RAPGEF4: variants seen among roughly 807,000 people sequenced by gnomAD.
The protein encoded by RAPGEF4 is RAP guanine-nucleotide-exchange factor (GEF) 4.
In RAPGEF4, 66 loss-of-function variants were observed where a neutral mutation model predicts 147.9. The observed-to-expected ratio is 0.45, with a 90% CI of 0.37 to 0.55. The LOEUF (loss-of-function observed/expected upper bound fraction) is 0.55. Ranked by LOEUF, RAPGEF4 falls within the 20% of genes least tolerant of loss-of-function variation. RAPGEF4 has a pLI of 0.00. For synonymous variants in RAPGEF4, 419 were observed against 442.7 expected (o/e 0.95, Z 0.67); for missense variants, 1,071 against 1,257.3 (o/e 0.85, Z 2.24).
intron 5 of RAPGEF4, among the ~76,000 whole-genome samples, chr2:172,921,430 G>C (rs975092695): frequency 5.9e-5 from 9 of 152,146 alleles, no homozygotes; most frequent in Non-Finnish European, 1.3e-4. Context: ...ATCCTGTGTA[G>C]CTCCTTGTGT....
chr2:172,879,382 A>T (rs1383303482), intron 4 of RAPGEF4, among the ~76,000 whole-genome samples: 1 of 152,190 alleles, frequency 6.6e-6, no homozygotes, highest in Non-Finnish European at 1.5e-5. Flanking sequence ...ATATACTTAG[A>T]TATGTACATA....
intron 4 of RAPGEF4, among the ~76,000 whole-genome samples, chr2:172,877,121 C>G (rs1165328170): frequency 2.0e-5 from 3 of 152,100 alleles, no homozygotes. Flanking sequence ...ACCCAAATGC[C>G]CATCAGTGAT....
At chr2:172,755,188 G>A (rs191194120) in intron 1 of RAPGEF4, among the ~76,000 whole-genome samples, 51 of 152,240 alleles carry the variant, frequency 3.3e-4, no homozygotes, top group African/African-American at 1.2e-3. Flanking sequence ...AGAAGTTGAG[G>A]TTCATATTCT....
chr2:172,843,251 TAAGAGGAA>T (rs2149709798), intron 4 of RAPGEF4, among the ~76,000 whole-genome samples: 1 of 152,190 alleles, frequency 6.6e-6, no homozygotes, highest in South Asian at 2.1e-4. Flanking sequence ...AATACTTGGA[TAAGAGGAA>T]AAGGGGAAAA....
chr2:173,046,025 T>A (rs1230261854), intron 29 of RAPGEF4, among the ~76,000 whole-genome samples: 2 of 152,224 alleles, frequency 1.3e-5, no homozygotes, highest in Admixed American at 1.3e-4. Flanking sequence ...TAACTATGCA[T>A]TGACCGGGAA....
intron 1 of RAPGEF4, among the ~76,000 whole-genome samples, chr2:172,761,012 A>C (rs952978297): frequency 6.6e-6 from 1 of 151,054 alleles, no homozygotes; most frequent in Non-Finnish European, 1.5e-5. Context: ...GAGAAAGGAC[A>C]CCTTACCTAT....
At chr2:172,775,221 G>A (rs1684050352) in intron 1 of RAPGEF4, among the ~76,000 whole-genome samples, 1 of 152,166 alleles carries the variant, frequency 6.6e-6, no homozygotes, top group African/African-American at 2.4e-5. Context: ...CCATTTGCTG[G>A]CCCTTTGGGA....
At chr2:173,039,224 G>A (rs753717753) in intron 29 of RAPGEF4, among the ~76,000 whole-genome samples, 2 of 151,930 alleles carry the variant, frequency 1.3e-5, no homozygotes, top group Non-Finnish European at 2.9e-5. Flanking sequence ...TTGGGAGGCC[G>A]AGGCGGGTGG....
At chr2:173,009,458 C>A (rs771727647) in intron 17 of RAPGEF4, among the ~76,000 whole-genome samples, 8 of 152,116 alleles carry the variant, frequency 5.3e-5, no homozygotes, top group Non-Finnish European at 8.8e-5. Flanking sequence ...TTTAATGCTT[C>A]CAGATGGTGA....
At chr2:173,050,113 A>C (rs527943060) in intron 30 of RAPGEF4, among the ~76,000 whole-genome samples, 2 of 152,326 alleles carry the variant, frequency 1.3e-5, no homozygotes, top group East Asian at 3.9e-4. Flanking sequence ...CCAAGGGGAA[A>C]ATGTATTTAA....
At chr2:172,991,269 T>C (rs1252113717) in intron 15 of RAPGEF4, among the ~76,000 whole-genome samples, 1 of 152,228 alleles carries the variant, frequency 6.6e-6, no homozygotes, top group African/African-American at 2.4e-5. Context: ...TGAAGGCCCC[T>C]GGGTGATGAG....
At chr2:172,875,086 A>G (rs1695737210) in intron 4 of RAPGEF4, among the ~76,000 whole-genome samples, 1 of 151,868 alleles carries the variant, frequency 6.6e-6, no homozygotes. Context: ...CCACTTTTTG[A>G]TGGGGTTGTT....
At chr2:172,903,723 G>A (rs905446898) in intron 4 of RAPGEF4, among the ~76,000 whole-genome samples, 10 of 152,082 alleles carry the variant, frequency 6.6e-5, no homozygotes, top group Admixed American at 3.9e-4. Flanking sequence ...CCCCCCGGGG[G>A]TTACTGGGTA....
chr2:172,983,710 T>A, intron 11 of RAPGEF4, 130 bp downstream of exon 11: 1 of 1,421,564 alleles, frequency 7.0e-7, no homozygotes, highest in Non-Finnish European at 9.2e-7. Flanking sequence ...ACCTCTACTC[T>A]CTTACGAGAT....
intron 1 of RAPGEF4, among the ~76,000 whole-genome samples, chr2:172,737,708 GAA>G (rs11319302): frequency 2.4e-4 from 33 of 139,604 alleles, no homozygotes; most frequent in Non-Finnish European, 3.5e-4. Context: ...AAAAATCTAG[GAA>G]AAAAAAAAAA....
intron 4 of RAPGEF4, among the ~76,000 whole-genome samples, chr2:172,844,269 A>G (rs952260847): frequency 6.6e-6 from 1 of 152,128 alleles, no homozygotes; most frequent in Non-Finnish European, 1.5e-5. Flanking sequence ...CGATGTGCTG[A>G]GCTGGACCTG....
At chr2:172,769,645 G>T (rs535605974) in intron 1 of RAPGEF4, among the ~76,000 whole-genome samples, 24 of 151,992 alleles carry the variant, frequency 1.6e-4, no homozygotes, top group African/African-American at 5.6e-4. Flanking sequence ...CATATTTTGG[G>T]GTATTGCTTT....
intron 4 of RAPGEF4, among the ~76,000 whole-genome samples, chr2:172,845,865 C>T (rs1422107136): frequency 6.6e-6 from 1 of 152,122 alleles, no homozygotes; most frequent in African/African-American, 2.4e-5. Context: ...TTCTCCAGTC[C>T]CTGCCAATTC....
chr2:172,974,640 C>T (rs1690876598), intron 10 of RAPGEF4, among the ~76,000 whole-genome samples: 1 of 152,198 alleles, frequency 6.6e-6, no homozygotes, highest in Non-Finnish European at 1.5e-5. Context: ...CCGTGATCAT[C>T]TCACTGCTCT....
Sources: allele counts gnomAD v4.1 joint callset (sites outside exome capture counted in the v4.1 genomes callset), GRCh38; gene constraint gnomAD v4.1.1; transcripts MANE v1.5; gene names NCBI Gene and HGNC (gene_info 2026-07-23, HGNC 2026-07-21).